Variants in RFTN1 observed in about 807,000 individuals in gnomAD.
RFTN1 encodes the protein raftlin.
RFTN1 carries 26 observed loss-of-function variants against 46.5 expected under a neutral mutation model. The observed-to-expected ratio is 0.56, with a 90% CI of 0.41 to 0.78. RFTN1 has a LOEUF of 0.78. Among genes scored for constraint, RFTN1 ranks in the 30% least tolerant of loss-of-function variants. The pLI is 0.00. For synonymous variants in RFTN1, 261 were observed against 284.2 expected, an observed-to-expected ratio of 0.92 and a Z score of 0.82; for missense variants, 693 against 718.7, an observed-to-expected ratio of 0.96 and a Z score of 0.41.
intron 7 of RFTN1, among the ~76,000 whole-genome samples, chr3:16,354,681 A>AT (rs2072314199): frequency 6.6e-6 from 1 of 152,204 alleles, no homozygotes; most frequent in South Asian, 2.1e-4. Flanking sequence ...TGTCTTCTGA[A>AT]TACACTTTCT....
In RFTN1 at chr3:16,418,085, G is replaced by A. The variant is rs1490454325; in HGVS notation, c.333-8602C>T. Among the ~76,000 whole-genome samples the A allele has an allele frequency of 2.0e-5, 3 of 152,270 alleles. No homozygotes were observed. In the East Asian group the frequency reaches 5.8e-4, roughly 29 times the overall value. On this transcript the variant is annotated intron_variant, in intron 3 of 9. Coordinates refer to ENST00000334133, the MANE Select transcript of RFTN1 (RefSeq NM_015150.2). The surrounding 1 kb of genome is among the most constrained non-coding windows in gnomAD (Gnocchi z 5.0). ...AACCCTTTCCTAAGACATTAAAATA[G>A]CATTGTTGTAACAAGTACTGCTAAC...
Position 16,475,517 on chromosome 3 carries a change from G to A in RFTN1, c.145+18208C>T, listed in dbSNP as rs901899914. Among the ~76,000 whole-genome samples, 18 of 152,192 alleles carry A rather than the reference G, an allele frequency of 1.2e-4. No individual in the cohort carries two copies. Among genetic ancestry groups the A allele is most frequent in the Non-Finnish European group, 2.2e-4 (15 of 68,042 alleles). On this transcript the variant is annotated intron_variant, in intron 2 of 9. Coordinates refer to ENST00000334133, the MANE Select transcript of RFTN1 (RefSeq NM_015150.2). The surrounding 1 kb of genome is among the most constrained non-coding windows in gnomAD (Gnocchi z 4.2). ...GCAAAGAAGGCAATTACCCTACTGG[G>A]TGAGGTGAATGATCCCAATTTCCAC...
At position 16,387,366 on chromosome 3, in the gene RFTN1, C is replaced by T. The variant is rs144026653; in HGVS notation, c.442-9264G>A. On this transcript the variant is annotated intron_variant, in intron 4 of 9. Transcript: ENST00000334133. This position sits in a 1 kb window ranked among gnomAD's most constrained non-coding sequence, Gnocchi z 5.2. The stretch of plus-strand genomic sequence containing the variant: ...GTCCCACCCTCTCCCCACTTTCCCA[C>T]CACCTCCAGAGATGACTTAAAGACA... 3.7e-4 allele frequency among the ~76,000 whole-genome samples: 56 copies of T among 152,328 alleles called. No individual in the cohort carries two copies. The highest frequency in any genetic ancestry group is 1.2e-3 in the African/African-American group (50 of 41,584).
rs1167468395 is a variant in RFTN1 at position 16,499,579 on chromosome 3, A to G, written c.-8-5702T>C. On this transcript the variant is annotated intron_variant, in intron 1 of 9. Transcript: ENST00000334133. This position sits in a 1 kb window ranked among gnomAD's most constrained non-coding sequence, Gnocchi z 4.9. ...TTAAGCAAAGACAAGCTGTTTCACC[A>G]AGCCCTGCCAAAGCTGCAGATTCCT... is the stretch of plus-strand genomic sequence containing the variant. Among the ~76,000 whole-genome samples the G allele has an allele frequency of 6.6e-6, 1 of 152,222 alleles. No individual in the cohort carries two copies. The highest frequency in any genetic ancestry group is 1.5e-5 in the Non-Finnish European group (1 of 68,020).
intron 2 of RFTN1, among the ~76,000 whole-genome samples, chr3:16,435,911 G>GACATAA (rs1477304184): frequency 1.1e-5 from 1 of 90,818 alleles, no homozygotes; most frequent in African/African-American, 5.0e-5. Flanking sequence ...AAAAATCAGA[G>GACATAA]ATGTAAATAT....
intron 2 of RFTN1, among the ~76,000 whole-genome samples, chr3:16,441,457 A>G (rs959846366): frequency 6.6e-6 from 1 of 152,198 alleles, no homozygotes; most frequent in African/African-American, 2.4e-5. Context: ...AGCTCCATTT[A>G]TTCCCTGGAA....
Position 16,447,718 on chromosome 3 carries a change from A to G in RFTN1, c.146-13681T>C, listed in dbSNP as rs1450113269. Among the ~76,000 whole-genome samples the G allele has an allele frequency of 6.6e-6, 1 of 152,246 alleles. No homozygotes were observed. Among genetic ancestry groups the G allele is most frequent in the African/African-American group, 2.4e-5 (1 of 41,468 alleles). On this transcript the variant is annotated intron_variant, in intron 2 of 9. Transcript: ENST00000334133. This position sits in a 1 kb window ranked among gnomAD's most constrained non-coding sequence, Gnocchi z 5.9. ...TTCTTCAGACTAATACAACGAAGCAATCAGGTGAAAATCATTTCTAATTAC... is the reference window on the plus strand; with the variant it reads ...TTCTTCAGACTAATACAACGAAGCAGTCAGGTGAAAATCATTTCTAATTAC...
In RFTN1 at chr3:16,344,116, G is replaced by A. The variant is rs894698266; in HGVS notation, c.1146+13816C>T. On this transcript the variant is annotated intron_variant, in intron 7 of 9. Coordinates refer to ENST00000334133, the MANE Select transcript of RFTN1 (RefSeq NM_015150.2). This position sits in a 1 kb window ranked among gnomAD's most constrained non-coding sequence, Gnocchi z 4.4. Reference sequence around the variant, plus strand: ...GGCCTGTATTAACTCTTTTTCATTGGAATTGCTGTCAAATCAGGTATGCTT... The same window carrying A: ...GGCCTGTATTAACTCTTTTTCATTGAAATTGCTGTCAAATCAGGTATGCTT... Among the ~76,000 whole-genome samples, 2 of 152,174 alleles carry A rather than the reference G, an allele frequency of 1.3e-5. No homozygotes were observed. Among genetic ancestry groups the A allele is most frequent in the African/African-American group, 4.8e-5 (2 of 41,426 alleles).
rs1161875614 is a variant in RFTN1, at chr3:16,341,166, T to C, written c.1147-14290A>G. On this transcript the variant is annotated intron_variant, in intron 7 of 9. Coordinates refer to ENST00000334133, the MANE Select transcript of RFTN1 (RefSeq NM_015150.2). This position sits in a 1 kb window ranked among gnomAD's most constrained non-coding sequence, Gnocchi z 4.7. ...AAACACTGACAATACTTAATGCCGG[T>C]GAGGATGTGGAACAACAGCAACTCT... Among the ~76,000 whole-genome samples the C allele has an allele frequency of 3.9e-5, 6 of 152,122 alleles. No homozygotes were observed. Among genetic ancestry groups the C allele is most frequent in the African/African-American group, 7.2e-5 (3 of 41,422 alleles).
chr3:16,394,332 C>G (rs1205412779), intron 4 of RFTN1, among the ~76,000 whole-genome samples: 3 of 152,120 alleles, frequency 2.0e-5, no homozygotes, highest in African/African-American at 7.2e-5. Flanking sequence ...GCTATGACTG[C>G]ACCACTGCAC....
At chr3:16,441,571 G>A (rs774064904) in intron 2 of RFTN1, among the ~76,000 whole-genome samples, 4 of 152,232 alleles carry the variant, frequency 2.6e-5, no homozygotes, top group African/African-American at 7.2e-5. Flanking sequence ...AGAAACCACC[G>A]CATACAGCAA....
At position 16,380,388 on chromosome 3, in the gene RFTN1, G is replaced by C. The variant is rs2073946157; in HGVS notation, c.442-2286C>G. On this transcript the variant is annotated intron_variant, in intron 4 of 9. Coordinates refer to ENST00000334133, the MANE Select transcript of RFTN1 (RefSeq NM_015150.2). The surrounding 1 kb of genome is among the most constrained non-coding windows in gnomAD (Gnocchi z 4.8). ...CTTCTGCGGCCCTGCAGAGACTGCT[G>C]TCATCTAGAGTGAAGAGGCGAGGAC... Among the ~76,000 whole-genome samples the C allele has an allele frequency of 6.6e-6, 1 of 152,170 alleles. No homozygotes were observed. The highest frequency in any genetic ancestry group is 2.4e-5 in the African/African-American group (1 of 41,430).
intron 7 of RFTN1, among the ~76,000 whole-genome samples, chr3:16,340,574 C>T (rs891033879): frequency 6.6e-6 from 1 of 152,240 alleles, no homozygotes; most frequent in Non-Finnish European, 1.5e-5. Flanking sequence ...GTTAGTTACA[C>T]AGCAGAAGCC....
At chr3:16,477,652 A>T (rs1271029280) in intron 2 of RFTN1, among the ~76,000 whole-genome samples, 1 of 152,246 alleles carries the variant, frequency 6.6e-6, no homozygotes. Flanking sequence ...CACCCAGGAA[A>T]AAACAATTTT....
Position 16,469,043 on chromosome 3 carries a change from G to C in RFTN1, c.145+24682C>G, listed in dbSNP as rs552789072. Among the ~76,000 whole-genome samples, 23 of 152,304 alleles carry C rather than the reference G, an allele frequency of 1.5e-4. No individual in the cohort carries two copies. The East Asian group carries it at 2.7e-3, about 18-fold the overall frequency. On this transcript the variant is annotated intron_variant, in intron 2 of 9. Coordinates refer to ENST00000334133, the MANE Select transcript of RFTN1 (RefSeq NM_015150.2). ...GGCCACTAACAATCCTTGAGTTCCC[G>C]CCTATCCCACGTCCAAATAAGTACA...
At chr3:16,430,724 G>T (rs2075368311) in intron 3 of RFTN1, among the ~76,000 whole-genome samples, 1 of 152,146 alleles carries the variant, frequency 6.6e-6, no homozygotes, top group Admixed American at 6.5e-5. Context: ...GGATCTGCTT[G>T]TCCAGGAGTT....
rs1228559658 is a variant in RFTN1, at chr3:16,387,653, CTTT to C, written c.442-9554_442-9552del. Among the ~76,000 whole-genome samples, 4 of 146,240 alleles carry C rather than the reference CTTT, an allele frequency of 2.7e-5. No individual in the cohort carries two copies. The highest frequency in any genetic ancestry group is 6.9e-5 in the Admixed American group (1 of 14,514). On this transcript the variant is annotated intron_variant, in intron 4 of 9. Transcript: ENST00000334133. This position sits in a 1 kb window ranked among gnomAD's most constrained non-coding sequence, Gnocchi z 5.2. ...CAGCATACAACTAAATTCAAGTTAT[CTTT>C]TTTTAAAAGAAGAAAAAGAGGAAAG...
In RFTN1 at chr3:16,433,864, T is replaced by G. The variant is rs143467684; in HGVS notation, c.319A>C (p.Lys107Gln). 1.4e-5 allele frequency: 22 copies of G among 1,614,066 alleles called. No individual in the cohort carries two copies. The highest frequency in any genetic ancestry group is 1.7e-5 in the Non-Finnish European group (20 of 1,180,042). The change falls in exon 3 of 10, where the codon AAG becomes CAG. Residue 107 changes from lysine (K) to glutamine (Q), a missense_variant. By Grantham distance (53) the Lys-to-Gln change is moderately conservative. Coordinates refer to ENST00000334133, the MANE Select transcript of RFTN1 (RefSeq NM_015150.2). The surrounding 1 kb of genome is among the most constrained non-coding windows in gnomAD (Gnocchi z 4.4). Reference sequence around the variant, plus strand: ...TGGAGGCCTTACCTGTCGGTTTTCTTGATCAGGATGGCTCTAAAGATGTGC... The same window carrying G: ...TGGAGGCCTTACCTGTCGGTTTTCTGGATCAGGATGGCTCTAAAGATGTGC... ...LEHIFRAILI[K>Q]KTDRSQKTDL...
chr3:16,419,528 G>A (rs951471228), intron 3 of RFTN1, among the ~76,000 whole-genome samples: 1 of 152,088 alleles, frequency 6.6e-6, no homozygotes, highest in Non-Finnish European at 1.5e-5. Context: ...TGGTGGTTGT[G>A]GGCAGGGGAA....
Sources: gnomAD v4.1 joint callset for allele counts (sites outside exome capture counted in the v4.1 genomes callset) on GRCh38, gnomAD v4.1.1 for gene constraint, Gnocchi (gnomAD v3.1) non-coding constraint, MANE v1.5 for transcripts, NCBI Gene and HGNC (gene_info 2026-07-23, HGNC 2026-07-21) for gene names.